Variants in NAA16 observed in about 807,000 individuals in gnomAD.
NAA16 encodes the protein N-alpha-acetyltransferase 16, NatA auxiliary subunit, also known as NARG1-like protein.
In NAA16, 97 loss-of-function variants were observed where a neutral mutation model predicts 110.3. The observed-to-expected ratio is 0.88, with a 90% CI of 0.75 to 1.04. NAA16 has a LOEUF of 1.04. NAA16 is among the 50% of genes least tolerant of loss of function. The probability of loss-of-function intolerance (pLI) is 0.00; values close to 1 mark genes in which losing one functional copy is unlikely to be tolerated. For missense variants in NAA16, 1,017 were observed against 1,005.1 expected (o/e 1.01, Z -0.16); for synonymous variants, 372 against 330.6 (o/e 1.13, Z -1.36).
At chr13:41,363,391 A>G (rs2043150659) in intron 13 of NAA16, among the ~76,000 whole-genome samples, 1 of 152,218 alleles carries the variant, frequency 6.6e-6, no homozygotes, top group African/African-American at 2.4e-5. Context: ...CCATAACTAG[A>G]AACTTACCAA....
At chr13:41,370,857 A>AG (rs1344231474) in intron 15 of NAA16, among the ~76,000 whole-genome samples, 2 of 152,212 alleles carry the variant, frequency 1.3e-5, no homozygotes, top group African/African-American at 4.8e-5. Context: ...ACGCTGTGGA[A>AG]GAGAACCCCA....
In NAA16 at chr13:41,362,023, C is replaced by T. The variant is rs187871028; in HGVS notation, c.1411-8C>T. The T allele has an allele frequency of 3.0e-5, 48 of 1,608,818 alleles. No individual in the cohort carries two copies. In the African/African-American group the frequency reaches 4.7e-4, roughly 16 times the overall value. On this transcript the variant is annotated splice_region_variant and splice_polypyrimidine_tract_variant and intron_variant, in intron 12 of 19. Transcript: ENST00000379406. ...TGCTCTCTATAGTTTTGAATGCTTC[C>T]ATTTCAGGAAGGAACATCTGCCATG...
chr13:41,358,033 T>G (rs899219478), intron 10 of NAA16, among the ~76,000 whole-genome samples: 5 of 152,180 alleles, frequency 3.3e-5, no homozygotes, highest in Non-Finnish European at 7.4e-5. Flanking sequence ...GTTCACAGAA[T>G]TAGTTTGACG....
At chr13:41,336,483 A>C (rs1353674879) in intron 8 of NAA16, among the ~76,000 whole-genome samples, 167 bp from the exon 9 acceptor site, 1 of 152,240 alleles carries the variant, frequency 6.6e-6, no homozygotes, top group African/African-American at 2.4e-5. Flanking sequence ...ATTGTGCTAA[A>C]TTCAGAATGG....
intron 5 of NAA16, among the ~76,000 whole-genome samples, chr13:41,323,771 C>G (rs752285106): frequency 6.6e-6 from 1 of 152,052 alleles, no homozygotes; most frequent in Non-Finnish European, 1.5e-5. Context: ...AGGCATGAGC[C>G]ACCACGCCTG....
At chr13:41,360,995 G>A (rs1463170559) in intron 12 of NAA16, among the ~76,000 whole-genome samples, 1 of 152,148 alleles carries the variant, frequency 6.6e-6, no homozygotes, top group African/African-American at 2.4e-5. Flanking sequence ...GACGTTTAAT[G>A]TGTTCTGAAA....
At chr13:41,349,133 T>C (rs1291776435) in intron 9 of NAA16, among the ~76,000 whole-genome samples, 1 of 152,130 alleles carries the variant, frequency 6.6e-6, no homozygotes, top group Non-Finnish European at 1.5e-5. Context: ...TTGTGTCCTT[T>C]TGCTTGTTTT....
intron 17 of NAA16, 68 bp downstream of exon 17, chr13:41,372,898 C>A: frequency 7.4e-7 from 1 of 1,348,946 alleles, no homozygotes; most frequent in Non-Finnish European, 9.6e-7. Flanking sequence ...TGTTAAATCT[C>A]TGTTGATCTG....
rs559268197 is a variant in NAA16, at chr13:41,323,263, T to C, written c.537+73T>C. On this transcript the variant is annotated intron_variant, in intron 5 of 19. Coordinates refer to ENST00000379406, the MANE Select transcript of NAA16 (RefSeq NM_024561.5). ...CTTCTAAATTGTCCCTGCTCTCAAATGTGAATTAAAGTATTTGAAACCTAT... is the reference window on the plus strand; with the variant it reads ...CTTCTAAATTGTCCCTGCTCTCAAACGTGAATTAAAGTATTTGAAACCTAT... The C allele has an allele frequency of 7.4e-5, 108 of 1,455,606 alleles. No homozygotes were observed. The African/African-American group carries it at 1.3e-3, about 18-fold the overall frequency. The allele number at this position is 1,455,606 out of a possible 1,614,324, so 90.2% of individuals were successfully genotyped here. A position where few individuals can be genotyped will look rare whatever the true frequency, so the allele number is the denominator to read the frequency against.
rs1459890525 is a variant in NAA16 at position 41,325,852 on chromosome 13, G to T, written c.691+1G>T. 1.9e-6 allele frequency: 3 copies of T among 1,593,310 alleles called. No homozygotes were observed. In the Admixed American group the frequency reaches 5.3e-5, roughly 28 times the overall value. ...AAACTTTTGGTGGAAGAAATTAAAG[G>T]TAAGTTGGCTTGCCTTTTTTTAATA... On this transcript the variant is annotated splice_donor_variant, in intron 6 of 19. Coordinates refer to ENST00000379406, the MANE Select transcript of NAA16 (RefSeq NM_024561.5). LOFTEE classifies it high-confidence loss of function.
intron 9 of NAA16, among the ~76,000 whole-genome samples, chr13:41,351,453 A>G (rs925866538): frequency 6.6e-6 from 1 of 152,182 alleles, no homozygotes; most frequent in Admixed American, 6.5e-5. Flanking sequence ...AAAGTAGTGT[A>G]CTTAATTTAG....
intron 16 of NAA16, 73 bp downstream of exon 16, chr13:41,372,384 G>C: frequency 6.9e-7 from 1 of 1,441,162 alleles, no homozygotes; most frequent in Non-Finnish European, 9.1e-7. Flanking sequence ...ATCTTTGTCA[G>C]ATCTATTTTT....
chr13:41,347,099 C>G (rs1436503557), intron 9 of NAA16, among the ~76,000 whole-genome samples: 1 of 151,926 alleles, frequency 6.6e-6, no homozygotes, highest in African/African-American at 2.4e-5. Flanking sequence ...ATCTACACTC[C>G]CAGCTGCTCG....
intron 5 of NAA16, 95 bp downstream of exon 5, chr13:41,323,285 C>T: frequency 8.0e-7 from 1 of 1,251,184 alleles, no homozygotes; most frequent in Non-Finnish European, 1.1e-6. Context: ...TATTTGAAAC[C>T]TATGGAAAAC....
intron 8 of NAA16, 27 bp downstream of exon 8, chr13:41,331,396 T>C: frequency 5.6e-6 from 8 of 1,415,942 alleles, no homozygotes; most frequent in Non-Finnish European, 7.9e-6. Context: ...TTTTATAATA[T>C]TAATTATTTG....
Position 41,358,834 on chromosome 13 carries a change from G to T in NAA16, c.1282G>T (p.Ala428Ser). 1 of 1,605,622 alleles carries T rather than the reference G, an allele frequency of 6.2e-7. No individual in the cohort carries two copies. The highest frequency in any genetic ancestry group is 8.5e-7 in the Non-Finnish European group (1 of 1,174,576). The change falls in exon 12 of 20, where the codon GCA becomes TCA. Residue 428 changes from alanine (A) to serine (S), a missense_variant. Ala to Ser is a moderately conservative substitution (Grantham distance 99). Transcript: ENST00000379406. Reference protein sequence around the residue: ...YKHIGNLKEAAKWMDEAQSLD... With the variant: ...YKHIGNLKEASKWMDEAQSLD... Reference sequence around the variant, plus strand: ...GCATATAGGTAATCTCAAAGAAGCTGCAAAGTGGATGGATGAAGCACAGTC... The same window carrying T: ...GCATATAGGTAATCTCAAAGAAGCTTCAAAGTGGATGGATGAAGCACAGTC...
chr13:41,375,400 A>T lies in NAA16; in HGVS notation c.2398-5A>T. The T allele has an allele frequency of 6.2e-7, 1 of 1,600,090 alleles. No individual in the cohort carries two copies. Among genetic ancestry groups the T allele is most frequent in the Non-Finnish European group, 8.5e-7 (1 of 1,170,778 alleles). Reference sequence around the variant, plus strand: ...ATAATTTGTGTTTTCCTTTTGTTTCACTAGACATTAATAAAGGTTTCTGAA... The same window carrying T: ...ATAATTTGTGTTTTCCTTTTGTTTCTCTAGACATTAATAAAGGTTTCTGAA... On this transcript the variant is annotated splice_region_variant and splice_polypyrimidine_tract_variant and intron_variant, in intron 19 of 19. Transcript: ENST00000379406.
At chr13:41,336,019 A>G (rs933961171) in intron 8 of NAA16, among the ~76,000 whole-genome samples, 7 of 152,150 alleles carry the variant, frequency 4.6e-5, no homozygotes, top group African/African-American at 1.7e-4. Context: ...GGGTTTAGCA[A>G]TGAAAGAATT....
At chr13:41,333,570 GTA>G (rs1386124814) in intron 8 of NAA16, among the ~76,000 whole-genome samples, 2 of 151,988 alleles carry the variant, frequency 1.3e-5, no homozygotes, top group African/African-American at 4.8e-5. Flanking sequence ...TGGTCTCAAG[GTA>G]TATTTTGTGT....
Sources: gnomAD v4.1 joint callset for allele counts (sites outside exome capture counted in the v4.1 genomes callset) on GRCh38, gnomAD v4.1.1 for gene constraint, MANE v1.5 for transcripts, NCBI Gene and HGNC (gene_info 2026-07-23, HGNC 2026-07-21) for gene names.